CYFIP1: variants seen among roughly 807,000 people sequenced by gnomAD.
CYFIP1 encodes cytoplasmic FMR1-interacting protein 1.
In CYFIP1, 58 loss-of-function variants were observed where a neutral mutation model predicts 163.5. The observed-to-expected ratio is 0.35, with a 90% confidence interval of 0.29 to 0.44. The LOEUF (loss-of-function observed/expected upper bound fraction) is 0.44. Ranked by LOEUF, CYFIP1 falls within the 20% of genes least tolerant of loss-of-function variation. The probability of loss-of-function intolerance (pLI) is 1.00; values close to 1 mark genes in which losing one functional copy is unlikely to be tolerated. For missense variants in CYFIP1, 1,338 were observed against 1,653.8 expected, an observed-to-expected ratio of 0.81 and a Z score of 3.31; for synonymous variants, 663 against 660.7, an observed-to-expected ratio of 1.00 and a Z score of -0.05.
Position 22,917,247 on chromosome 15 carries a change from C to T in CYFIP1, c.1674+541G>A, listed in dbSNP as rs369942305. 2.2e-5 allele frequency: 31 copies of T among 1,394,818 alleles called. No individual in the cohort carries two copies. The highest frequency in any genetic ancestry group is 2.6e-5 in the Non-Finnish European group (28 of 1,081,490). The allele number at this position is 1,394,818 out of a possible 1,614,324, so 86.4% of individuals were successfully genotyped here. On this transcript the variant is annotated intron_variant, in intron 15 of 30. Transcript: ENST00000617928. This position sits in a 1 kb window ranked among gnomAD's most constrained non-coding sequence, Gnocchi z 4.2. Reference sequence around the variant, plus strand: ...AGTGGCAGAAGAGATTAAAAGCCTCCGGCAGAGATGAGGGAGAAGACCAGC... The same window carrying T: ...AGTGGCAGAAGAGATTAAAAGCCTCTGGCAGAGATGAGGGAGAAGACCAGC...
chr15:22,964,339 C>T (rs1364060784), intron 1 of CYFIP1, among the ~76,000 whole-genome samples: 1 of 100,714 alleles, frequency 9.9e-6, no homozygotes, highest in Non-Finnish European at 2.1e-5. Context: ...CAGCAGACTC[C>T]GCAACCTCAT....
intron 1 of CYFIP1, among the ~76,000 whole-genome samples, chr15:22,963,710 G>A (rs1022005727): frequency 6.6e-6 from 1 of 152,136 alleles, no homozygotes; most frequent in African/African-American, 2.4e-5. Flanking sequence ...ACGCTGGCAC[G>A]TATCGCAGGC....
chr15:22,975,091 TC>T, intron 1 of CYFIP1, among the ~76,000 whole-genome samples: 1 of 152,204 alleles, frequency 6.6e-6, no homozygotes, highest in East Asian at 1.9e-4. Context: ...AACAACATTT[TC>T]TTTTCTCTAG....
At chr15:22,939,596 G>C (rs571574423) in intron 6 of CYFIP1, 89 bp from the exon 7 acceptor site, 9 of 970,518 alleles carry the variant, frequency 9.3e-6, no homozygotes, top group Admixed American at 6.0e-5. Flanking sequence ...GGTTCGAGTG[G>C]GATCCCTTTC....
intron 22 of CYFIP1, among the ~76,000 whole-genome samples, chr15:22,897,319 A>G (rs2060267886): frequency 1.3e-5 from 2 of 151,016 alleles, no homozygotes; most frequent in Admixed American, 1.3e-4. Flanking sequence ...AATAGGGAGA[A>G]AAAAAAAAGA....
At chr15:22,971,304 T>C (rs1171701436) in intron 1 of CYFIP1, among the ~76,000 whole-genome samples, 3 of 152,090 alleles carry the variant, frequency 2.0e-5, no homozygotes, top group Non-Finnish European at 4.4e-5. Flanking sequence ...TTTGTGAGGA[T>C]GAGGTGGGAG....
Position 22,882,855 on chromosome 15 carries a change from A to G in CYFIP1, c.2820+13T>C. ...CAGGCTGTGTGAAAGAAGCATGTCC[A>G]GGGAACACTCACCAGGCTCTTGACG... On this transcript the variant is annotated intron_variant, in intron 24 of 30. Transcript: ENST00000617928. 1 of 1,610,336 alleles carries G rather than the reference A, an allele frequency of 6.2e-7. No homozygotes were observed. Among genetic ancestry groups the G allele is most frequent in the Non-Finnish European group, 8.5e-7 (1 of 1,176,932 alleles).
Position 22,905,095 on chromosome 15 carries a change from T to C in CYFIP1, c.2389-1190A>G, listed in dbSNP as rs923548150. 5.3e-5 allele frequency: 8 copies of C among 152,312 alleles called. No individual in the cohort carries two copies. In the South Asian group the frequency reaches 1.7e-3, roughly 32 times the overall value. The allele number at this position is 152,312 out of a possible 1,614,324, so 9.4% of individuals were successfully genotyped here. A position where few individuals can be genotyped will look rare whatever the true frequency, so the allele number is the denominator to read the frequency against. On this transcript the variant is annotated intron_variant, in intron 21 of 30. Transcript: ENST00000617928. ...TCGGATTTTCCTTCCCTGCCTGCCC[T>C]GCTCAGACAGCCCAAGGACTTCTTC...
Position 22,870,120 on chromosome 15 carries a change from T to C in CYFIP1, c.3670A>G (p.Lys1224Glu), listed in dbSNP as rs746559087. The change falls in exon 31 of 31, where the codon AAG becomes GAG. Residue 1224 changes from lysine (K) to glutamate (E), a missense_variant. Around this residue, in one of 4 missense-constraint regions of CYFIP1, gnomAD observed 306 missense variants for 322.1 expected, o/e 0.95. Coordinates refer to ENST00000617928, the MANE Select transcript of CYFIP1 (RefSeq NM_014608.6). ...TCCCCGTCGCCTGACTTCAGGTACT[T>C]ATCCAGGATGGTGATGATCTCATCA... ...LNDEIITILD[K>E]YLKSGDGEGT... The C allele has an allele frequency of 1.9e-6, 3 of 1,613,004 alleles. No homozygotes were observed. The highest frequency in any genetic ancestry group is 2.5e-6 in the Non-Finnish European group (3 of 1,179,630).
At chr15:22,890,243 T>C (rs1052820616) in intron 23 of CYFIP1, among the ~76,000 whole-genome samples, 3 of 138,714 alleles carry the variant, frequency 2.2e-5, no homozygotes, top group Non-Finnish European at 4.6e-5. Context: ...ACCCAGGAGG[T>C]GGAGGTTGCA....
intron 22 of CYFIP1, among the ~76,000 whole-genome samples, chr15:22,893,289 G>A (rs372087783): frequency 3.2e-4 from 48 of 152,292 alleles, no homozygotes; most frequent in African/African-American, 9.9e-4. Context: ...CAGACACGGC[G>A]AGGACGGTGG....
At chr15:22,953,821 C>A (rs973617988) in intron 1 of CYFIP1, among the ~76,000 whole-genome samples, 1 of 152,140 alleles carries the variant, frequency 6.6e-6, no homozygotes. Flanking sequence ...TTTGGGAGGC[C>A]GAGGCGGGTG....
intron 1 of CYFIP1, among the ~76,000 whole-genome samples, chr15:22,973,611 A>G (rs758115431): frequency 5.9e-5 from 9 of 151,910 alleles, no homozygotes; most frequent in African/African-American, 1.7e-4. Flanking sequence ...CAGATTCCAC[A>G]TGTGAGTGAG....
chr15:22,943,249 T>C lies in CYFIP1; in HGVS notation c.493A>G (p.Ile165Val). The C allele has an allele frequency of 6.2e-7, 1 of 1,614,224 alleles. No homozygotes were observed. Among genetic ancestry groups the C allele is most frequent in the Non-Finnish European group, 8.5e-7 (1 of 1,180,032 alleles). ...EAYLITLGKFINMFAVLDELK... is the reference protein window; with the variant it reads ...EAYLITLGKFVNMFAVLDELK... ...TCGTCCAGCACAGCGAACATGTTGA[T>C]GAATTTGCCCAGTGTGATCAGGTAG... The change falls in exon 6 of 31, where the codon ATC becomes GTC. Residue 165 changes from isoleucine to valine, a missense_variant. By Grantham distance (29) the Ile-to-Val change is conservative. This residue lies in a region of CYFIP1 where 186 missense variants were observed against 288.3 expected (regional missense o/e 0.65). Coordinates refer to ENST00000617928, the MANE Select transcript of CYFIP1 (RefSeq NM_014608.6).
chr15:22,931,343 A>C (rs1203992498), intron 11 of CYFIP1, among the ~76,000 whole-genome samples: 1 of 152,134 alleles, frequency 6.6e-6, no homozygotes, highest in Non-Finnish European at 1.5e-5. Context: ...CAAAATGACA[A>C]CATGGCAAAC....
chr15:22,976,253 G>A (rs2063274890), intron 1 of CYFIP1, among the ~76,000 whole-genome samples: 1 of 152,114 alleles, frequency 6.6e-6, no homozygotes, highest in Non-Finnish European at 1.5e-5. Flanking sequence ...CGCCTCCCGG[G>A]TTCAGGCGAT....
intron 25 of CYFIP1, among the ~76,000 whole-genome samples, chr15:22,880,337 A>G (rs1200695453): frequency 6.6e-6 from 1 of 152,230 alleles, no homozygotes; most frequent in African/African-American, 2.4e-5. Flanking sequence ...CATGACAAGA[A>G]CAAAGACTGC....
At chr15:22,911,857 G>A (rs1236312062) in intron 18 of CYFIP1, among the ~76,000 whole-genome samples, 2 of 152,208 alleles carry the variant, frequency 1.3e-5, no homozygotes, top group Non-Finnish European at 2.9e-5. Flanking sequence ...AGGGAGTGCA[G>A]CAGAGTGCTA....
Position 22,980,368 on chromosome 15 carries a change from T to A in CYFIP1, c.-88A>T, listed in dbSNP as rs995847984. ...GTGAGTCACTCGGGCTGGCCGGGAA[T>A]GCGCCAGGAAACACTCGGCCTCCTC... On this transcript the variant is annotated 5_prime_UTR_variant, in exon 1 of 31. Transcript: ENST00000617928. The A allele has an allele frequency of 2.3e-4, 35 of 151,414 alleles. No individual in the cohort carries two copies. The highest frequency in any genetic ancestry group is 1.6e-3 in the Admixed American group (25 of 15,240). 9.4% of individuals were successfully genotyped at this position (151,414 alleles called of 1,614,324 possible).
Sources: gnomAD v4.1 joint callset for allele counts (sites outside exome capture counted in the v4.1 genomes callset) on GRCh38, gnomAD v4.1.1 for gene constraint, gnomAD v4.1.1 regional missense constraint, Gnocchi (gnomAD v3.1) non-coding constraint, MANE v1.5 for transcripts, NCBI Gene and HGNC (gene_info 2026-07-23, HGNC 2026-07-21) for gene names.